MXD4: variants seen among roughly 807,000 people sequenced by gnomAD.
MXD4 encodes Mad4 homolog.
In MXD4, 16 loss-of-function variants were observed where a neutral mutation model predicts 24.5. The ratio of observed to expected loss-of-function variants is 0.65; its 90% CI spans 0.44 to 0.99. MXD4 has a LOEUF of 0.99. Ranked by LOEUF, MXD4 falls within the 50% of genes least tolerant of loss-of-function variation. The probability of loss-of-function intolerance (pLI) is 0.00; values close to 1 mark genes in which losing one functional copy is unlikely to be tolerated. For missense variants in MXD4, 301 were observed against 301.5 expected (o/e 1.00, Z 0.01); for synonymous variants, 164 against 134.2 (o/e 1.22, Z -1.54).
chr4:2,260,625 G>C (rs1382547744), intron 2 of MXD4: 1 of 454,644 alleles, frequency 2.2e-6, no homozygotes, highest in African/African-American at 2.0e-5. Context: ...ACTGTCCCCA[G>C]TAGGGGACCA....
chr4:2,252,343 C>T, intron 4 of MXD4, 65 bp downstream of exon 4: 8 of 1,348,536 alleles, frequency 5.9e-6, no homozygotes, highest in Non-Finnish European at 8.5e-6. Context: ...GTGAGCACCC[C>T]CCCAGGGCGT....
At position 2,251,254 on chromosome 4, in the gene MXD4, C is replaced by A; in HGVS notation, c.310-8G>T. On this transcript the variant is annotated splice_region_variant and splice_polypyrimidine_tract_variant and intron_variant, in intron 4 of 5. Transcript: ENST00000337190. ...GTCCTGCTCCTCCAGTTTCTGGGGTCGAGGGGGGCTGTGAGCTCACAGCGG... is the reference window on the plus strand; with the variant it reads ...GTCCTGCTCCTCCAGTTTCTGGGGTAGAGGGGGGCTGTGAGCTCACAGCGG... 1 of 1,580,570 alleles carries A rather than the reference C, an allele frequency of 6.3e-7. No homozygotes were observed. The highest frequency in any genetic ancestry group is 8.6e-7 in the Non-Finnish European group (1 of 1,159,142).
chr4:2,251,377 G>A (rs1025535128), intron 4 of MXD4, 131 bp from the exon 5 acceptor site: 37 of 1,161,716 alleles, frequency 3.2e-5, no homozygotes, highest in Non-Finnish European at 4.2e-5. Flanking sequence ...CAAGGCTACA[G>A]GCCACAGGGT....
chr4:2,250,499 C>T lies in MXD4; in HGVS notation c.*45G>A, dbSNP rs771071358. On this transcript the variant is annotated 3_prime_UTR_variant, in exon 6 of 6. Coordinates refer to ENST00000337190, the MANE Select transcript of MXD4 (RefSeq NM_006454.3). Reference sequence around the variant, plus strand: ...CTGAAGGAGAACTGGAGGGCTGACACGCGTGGCTGGCGGGCAGGCAGGCCA... The same window carrying T: ...CTGAAGGAGAACTGGAGGGCTGACATGCGTGGCTGGCGGGCAGGCAGGCCA... 110 of 1,508,314 alleles carry T rather than the reference C, an allele frequency of 7.3e-5. No individual in the cohort carries two copies. Among genetic ancestry groups the T allele is most frequent in the Non-Finnish European group, 8.7e-5 (98 of 1,127,302 alleles). The allele number at this position is 1,508,314 out of a possible 1,614,324, so 93.4% of individuals were successfully genotyped here. A position where few individuals can be genotyped will look rare whatever the true frequency, so the allele number is the denominator to read the frequency against.
intron 3 of MXD4, among the ~76,000 whole-genome samples, chr4:2,256,934 C>G (rs1735443046): frequency 6.6e-6 from 1 of 152,204 alleles, no homozygotes; most frequent in Middle Eastern, 3.2e-3. Flanking sequence ...CAAGGCTAGG[C>G]TGGTCTTCTT....
In MXD4 at chr4:2,261,784, G is replaced by A. The variant is rs769982677; in HGVS notation, c.105C>T (p.Gly35=). 5.6e-6 allele frequency: 8 copies of A among 1,429,914 alleles called. No individual in the cohort carries two copies. In the South Asian group the frequency reaches 6.7e-5, roughly 12 times the overall value. The allele number at this position is 1,429,914 out of a possible 1,614,324, so 88.6% of individuals were successfully genotyped here. A position where few individuals can be genotyped will look rare whatever the true frequency, so the allele number is the denominator to read the frequency against. The change falls in exon 2 of 6, where the codon GGC becomes GGT. Residue 35 remains glycine (G), a synonymous_variant. Coordinates refer to ENST00000337190, the MANE Select transcript of MXD4 (RefSeq NM_006454.3). ...CCTTTGTTTTCTCCCTGGCGAAGTCGCCGTCGAAGGGCAGCACCGAGGCGT... is the reference window on the plus strand; with the variant it reads ...CCTTTGTTTTCTCCCTGGCGAAGTCACCGTCGAAGGGCAGCACCGAGGCGT... ...HGYASVLPFD[G]DFAREKTKAA... is the part of the protein sequence containing the mutation.
At position 2,248,868 on chromosome 4, in the gene MXD4, G is replaced by A. The variant is rs1262744466; in HGVS notation, c.*1676C>T. 6.6e-6 allele frequency: 1 copy of A among 152,354 alleles called. No homozygotes were observed. Among genetic ancestry groups the A allele is most frequent in the East Asian group, 1.9e-4 (1 of 5,194 alleles). 9.4% of individuals were successfully genotyped at this position (152,354 alleles called of 1,614,324 possible). ...CTGCTATGGGCCAGCCCCAAGGACA[G>A]AGGACGTCAGGAAGGAAAGGCGGGT... On this transcript the variant is annotated 3_prime_UTR_variant, in exon 6 of 6. Coordinates refer to ENST00000337190, the MANE Select transcript of MXD4 (RefSeq NM_006454.3).
At position 2,251,176 on chromosome 4, in the gene MXD4, T is replaced by C; in HGVS notation, c.380A>G (p.Lys127Arg). 6.2e-7 allele frequency: 1 copy of C among 1,604,978 alleles called. No homozygotes were observed. The highest frequency in any genetic ancestry group is 8.5e-7 in the Non-Finnish European group (1 of 1,175,592). ...CACCGACAGCTGCTCCAGGCGCCGC[T>C]TCAGGAAACGATGCTCCTGCTGCAG... ...EQLQQEHRFL[K>R]RRLEQLSVQS... Residue 127 changes from lysine (K) to arginine (R), a missense_variant, in exon 5 of 6, where the codon AAG (lysine) becomes AGG (arginine). Lys to Arg is a conservative substitution (Grantham distance 26). Coordinates refer to ENST00000337190, the MANE Select transcript of MXD4 (RefSeq NM_006454.3).
At chr4:2,260,774 G>A (rs1735523450) in intron 2 of MXD4, among the ~76,000 whole-genome samples, 1 of 152,238 alleles carries the variant, frequency 6.6e-6, no homozygotes, top group Non-Finnish European at 1.5e-5. Context: ...ACAGGAATGA[G>A]CCATGCCCTG....
Position 2,251,146 on chromosome 4 carries a change from C to T in MXD4, c.410G>A (p.Ser137Asn), listed in dbSNP as rs1735313226. Reference protein sequence around the residue: ...KRRLEQLSVQSVERVRTDSTG... With the variant: ...KRRLEQLSVQNVERVRTDSTG... ...GCTATCTGTGCGCACGCGCTCCACG[C>T]TCTGCACCGACAGCTGCTCCAGGCG... is the stretch of plus-strand genomic sequence containing the variant. Residue 137 changes from serine to asparagine, a missense_variant, in exon 5 of 6, where the codon AGC (serine) becomes AAC (asparagine). Ser to Asn is a conservative substitution (Grantham distance 46). Transcript: ENST00000337190. The T allele has an allele frequency of 6.2e-7, 1 of 1,600,946 alleles. No homozygotes were observed. Among genetic ancestry groups the T allele is most frequent in the East Asian group, 2.3e-5 (1 of 44,216 alleles).
chr4:2,252,648 G>A (rs544836420), intron 3 of MXD4, 126 bp from the exon 4 acceptor site: 1 of 662,270 alleles, frequency 1.5e-6, no homozygotes, highest in East Asian at 2.8e-5. Flanking sequence ...CCTCTCTAAG[G>A]ATCCCCTCCT....
chr4:2,256,845 G>A (rs1197443091), intron 3 of MXD4, among the ~76,000 whole-genome samples: 1 of 152,066 alleles, frequency 6.6e-6, no homozygotes, highest in Admixed American at 6.6e-5. Context: ...CCCATTGGGG[G>A]GCTGTCCTCC....
At chr4:2,258,073 C>A in intron 2 of MXD4, 62 bp from the exon 3 acceptor site, 1 of 1,602,530 alleles carries the variant, frequency 6.2e-7, no homozygotes, top group South Asian at 1.1e-5. Flanking sequence ...GCACAGAGAG[C>A]AGTGCTCTCC....
Position 2,261,705 on chromosome 4 carries a change from T to TCGGGAG in MXD4, c.164+14_164+19dup. On this transcript the variant is annotated intron_variant, in intron 2 of 5. Coordinates refer to ENST00000337190, the MANE Select transcript of MXD4 (RefSeq NM_006454.3). ...GGGGTTCGGACCGGGCCGGGCGGGGTCGGGAGCGGGGGGCGGTACCTGTTG... is the reference window on the plus strand; with the variant it reads ...GGGGTTCGGACCGGGCCGGGCGGGGTCGGGAGCGGGAGCGGGGGGCGGTACCTGTTG... 7.7e-7 allele frequency: 1 copy of TCGGGAG among 1,301,934 alleles called. No individual in the cohort carries two copies. Among genetic ancestry groups the TCGGGAG allele is most frequent in the Non-Finnish European group, 9.9e-7 (1 of 1,012,794 alleles). The allele number at this position is 1,301,934 out of a possible 1,614,324, so 80.6% of individuals were successfully genotyped here. A position where few individuals can be genotyped will look rare whatever the true frequency, so the allele number is the denominator to read the frequency against.
At chr4:2,255,036 C>G (rs1735397907) in intron 3 of MXD4, 1 of 350,638 alleles carries the variant, frequency 2.9e-6, no homozygotes, top group African/African-American at 2.2e-5. Flanking sequence ...GTCCGGAAGT[C>G]CCTGTGTAAA....
Position 2,261,472 on chromosome 4 carries a change from C to G in MXD4, c.164+253G>C, listed in dbSNP as rs1330762063. ...CGCGGGAGCGGACCCCGGCGGCGGG[C>G]GCTGTACGCGTGGCACTGTTTACGC... On this transcript the variant is annotated intron_variant, in intron 2 of 5. Coordinates refer to ENST00000337190, the MANE Select transcript of MXD4 (RefSeq NM_006454.3). 2.0e-5 allele frequency among the ~76,000 whole-genome samples: 3 copies of G among 150,706 alleles called. No individual in the cohort carries two copies. In the East Asian group the frequency reaches 5.9e-4, roughly 30 times the overall value.
chr4:2,253,362 G>C (rs1310985750), intron 3 of MXD4: 1 of 152,210 alleles, frequency 6.6e-6, no homozygotes, highest in African/African-American at 2.4e-5. Context: ...ACCCTGGCCA[G>C]GCCCACGTGC....
intron 5 of MXD4, 92 bp from the exon 6 acceptor site, chr4:2,250,793 G>C: frequency 6.8e-7 from 1 of 1,475,298 alleles, no homozygotes; most frequent in Non-Finnish European, 9.2e-7. Flanking sequence ...TAGGCAGAGG[G>C]GCAGAAGTGC....
chr4:2,254,173 T>C (rs1342670022), intron 3 of MXD4: 1 of 151,996 alleles, frequency 6.6e-6, no homozygotes, highest in Non-Finnish European at 1.5e-5. Context: ...TGTAGAACAA[T>C]TTAAAAATGC....
Sources: gnomAD v4.1 joint callset for allele counts (sites outside exome capture counted in the v4.1 genomes callset) on GRCh38, gnomAD v4.1.1 for gene constraint, MANE v1.5 for transcripts, NCBI Gene and HGNC (gene_info 2026-07-23, HGNC 2026-07-21) for gene names.